Variants in UST observed in about 807,000 individuals in gnomAD.
The protein encoded by UST is uronyl 2-sulfotransferase.
Under a neutral mutation model 45.6 loss-of-function variants are expected in UST, and 21 were observed. That is an observed-to-expected ratio of 0.46 (90% CI 0.33 to 0.66). The LOEUF (loss-of-function observed/expected upper bound fraction) is 0.66, where lower values mean the gene tolerates loss of function less well. Ranked by LOEUF, UST falls within the 30% of genes least tolerant of loss-of-function variation. UST has a pLI of 0.02. For missense variants in UST, 463 were observed against 512.4 expected, an observed-to-expected ratio of 0.90 and a Z score of 0.93; for synonymous variants, 215 against 200.6, an observed-to-expected ratio of 1.07 and a Z score of -0.61.
intron 2 of UST, among the ~76,000 whole-genome samples, chr6:148,896,468 A>T (rs1385883822): frequency 2.0e-5 from 3 of 152,168 alleles, no homozygotes; most frequent in African/African-American, 7.2e-5. Flanking sequence ...CCCTGGTTCC[A>T]CGCTCCTATT....
intron 2 of UST, among the ~76,000 whole-genome samples, chr6:148,917,487 A>G (rs1235424283): frequency 1.3e-5 from 2 of 152,248 alleles, no homozygotes; most frequent in African/African-American, 4.8e-5. Flanking sequence ...CCATTCGTCA[A>G]TGGAAGAATT....
Position 149,074,373 on chromosome 6 carries a change from C to T in UST, c.*257C>T. The T allele has an allele frequency of 2.0e-6, 1 of 489,142 alleles. No homozygotes were observed. Among genetic ancestry groups the T allele is most frequent in the Non-Finnish European group, 3.6e-6 (1 of 275,432 alleles). 30.3% of individuals were successfully genotyped at this position (489,142 alleles called of 1,614,324 possible). On this transcript the variant is annotated 3_prime_UTR_variant, in exon 8 of 8. Transcript: ENST00000367463. The stretch of plus-strand genomic sequence containing the variant: ...CATCCCAAGGCATCTTGTCATAAAA[C>T]AGCTTTCCCCCACCCCATATCATGG...
chr6:149,074,281 T>G lies in UST; in HGVS notation c.*165T>G. 1 of 735,210 alleles carries G rather than the reference T, an allele frequency of 1.4e-6. No individual in the cohort carries two copies. 45.5% of individuals were successfully genotyped at this position (735,210 alleles called of 1,614,324 possible). A position where few individuals can be genotyped will look rare whatever the true frequency, so the allele number is the denominator to read the frequency against. On this transcript the variant is annotated 3_prime_UTR_variant, in exon 8 of 8. Transcript: ENST00000367463. ...GAGATGCCCGGTTTTGCGGGTTTTA[T>G]TTGTTTAATTTTATTCTGTGTTTTC...
intron 2 of UST, among the ~76,000 whole-genome samples, chr6:148,940,786 T>G (rs1389227363): frequency 6.6e-6 from 1 of 152,224 alleles, no homozygotes; most frequent in African/African-American, 2.4e-5. Flanking sequence ...GTTGAGCATT[T>G]TTTCATGTGC....
intron 6 of UST, among the ~76,000 whole-genome samples, chr6:149,020,922 G>A (rs1392938947): frequency 2.0e-5 from 3 of 152,210 alleles, no homozygotes; most frequent in Non-Finnish European, 2.9e-5. Context: ...ATGTCGGTAA[G>A]TTTCATATTT....
chr6:148,773,804 C>T (rs777963527), intron 1 of UST, among the ~76,000 whole-genome samples: 14 of 152,190 alleles, frequency 9.2e-5, no homozygotes, highest in African/African-American at 2.4e-4. Context: ...GTACGTGGGG[C>T]GCCATGAACG....
chr6:148,948,707 A>G (rs1254125197), intron 3 of UST, among the ~76,000 whole-genome samples: 1 of 152,180 alleles, frequency 6.6e-6, no homozygotes. Flanking sequence ...ACTTTCTTTC[A>G]AATTTTCAGC....
At chr6:148,821,413 G>A (rs1777463767) in intron 1 of UST, among the ~76,000 whole-genome samples, 1 of 152,168 alleles carries the variant, frequency 6.6e-6, no homozygotes, top group African/African-American at 2.4e-5. Context: ...GGGAGGCTGA[G>A]TTCTCAGTGC....
chr6:148,838,980 C>G (rs1777842730), intron 1 of UST, among the ~76,000 whole-genome samples: 1 of 152,192 alleles, frequency 6.6e-6, no homozygotes, highest in Non-Finnish European at 1.5e-5. Context: ...ATTTCATTAT[C>G]TATTTAACCG....
intron 2 of UST, among the ~76,000 whole-genome samples, chr6:148,905,193 G>A (rs1779332400): frequency 1.3e-5 from 2 of 152,204 alleles, no homozygotes; most frequent in Non-Finnish European, 2.9e-5. Flanking sequence ...GGGTACAGAT[G>A]GAGTGGCCTG....
At chr6:149,057,431 G>A (rs116745037) in intron 7 of UST, among the ~76,000 whole-genome samples, 2,385 of 152,286 alleles carry the variant, frequency 0.016, 72 homozygotes, top group African/African-American at 0.055. Flanking sequence ...TAAAGTTTCA[G>A]GATCTCTGAC....
At position 148,817,224 on chromosome 6, in the gene UST, T is replaced by A. The variant is rs1387744967; in HGVS notation, c.247+69547T>A. Among the ~76,000 whole-genome samples the A allele has an allele frequency of 2.0e-5, 3 of 152,256 alleles. No homozygotes were observed. In the East Asian group the frequency reaches 5.8e-4, roughly 29 times the overall value. ...ACTAGAAAGCAAAGCCAAGAAATAC[T>A]AAAGCTGGGGTCAGCAAACCTTTGG... On this transcript the variant is annotated intron_variant, in intron 1 of 7. Coordinates refer to ENST00000367463, the MANE Select transcript of UST (RefSeq NM_005715.3).
At chr6:148,993,523 A>C (rs1353537316) in intron 5 of UST, among the ~76,000 whole-genome samples, 1 of 152,210 alleles carries the variant, frequency 6.6e-6, no homozygotes, top group Non-Finnish European at 1.5e-5. Context: ...GACTTGTGTG[A>C]CTTACTAAAG....
At chr6:148,757,083 A>C (rs1264347096) in intron 1 of UST, among the ~76,000 whole-genome samples, 3 of 152,230 alleles carry the variant, frequency 2.0e-5, no homozygotes, top group Non-Finnish European at 4.4e-5. Context: ...CTGCAGCCTC[A>C]ACCTCCTGGG....
chr6:148,747,811 C>G (rs867522752), intron 1 of UST, 134 bp downstream of exon 1: 2 of 1,181,592 alleles, frequency 1.7e-6, no homozygotes, highest in South Asian at 2.0e-5. Context: ...GTGCTAAGCC[C>G]GTGAGCATCT....
At position 148,767,843 on chromosome 6, in the gene UST, A is replaced by G. The variant is rs578072634; in HGVS notation, c.247+20166A>G. On this transcript the variant is annotated intron_variant, in intron 1 of 7. Transcript: ENST00000367463. ...CATAGATATCGTTTCACATCTTTAT[A>G]TATTTTTTTACAACATTGGTTTTCA... Among the ~76,000 whole-genome samples, 87 of 152,256 alleles carry G rather than the reference A, an allele frequency of 5.7e-4. 1 individual carries two copies. The highest frequency in any genetic ancestry group is 1.1e-3 in the Non-Finnish European group (72 of 68,004).
chr6:148,860,997 G>A (rs1778301991), intron 1 of UST, among the ~76,000 whole-genome samples: 1 of 152,202 alleles, frequency 6.6e-6, no homozygotes, highest in African/African-American at 2.4e-5. Context: ...GTATCAGGAT[G>A]ATGCTGGCCT....
intron 5 of UST, among the ~76,000 whole-genome samples, chr6:148,977,291 A>T (rs569378743): frequency 5.3e-5 from 8 of 151,082 alleles, no homozygotes; most frequent in African/African-American, 1.7e-4. Flanking sequence ...TACATAATAC[A>T]TAGTTTTATT....
intron 5 of UST, among the ~76,000 whole-genome samples, chr6:149,015,529 G>A (rs550050649): frequency 3.3e-5 from 5 of 152,324 alleles, no homozygotes; most frequent in African/African-American, 1.2e-4. Flanking sequence ...GGAGCAAGTC[G>A]TAGATCAGGT....
Sources: allele counts gnomAD v4.1 joint callset (sites outside exome capture counted in the v4.1 genomes callset), GRCh38; gene constraint gnomAD v4.1.1; transcripts MANE v1.5; gene names NCBI Gene and HGNC (gene_info 2026-07-23, HGNC 2026-07-21).